PLPP1: variants seen among roughly 807,000 people sequenced by gnomAD.
PLPP1 encodes the protein phospholipid phosphatase 1.
PLPP1 carries 24 observed loss-of-function variants against 31.2 expected under a neutral mutation model. The observed-to-expected ratio is 0.77, with a 90% CI of 0.56 to 1.08. The LOEUF is 1.08. Ranked by LOEUF, PLPP1 falls within the 50% of genes least tolerant of loss-of-function variation. The probability of loss-of-function intolerance (pLI) is 0.00; values close to 1 mark genes in which losing one functional copy is unlikely to be tolerated. For synonymous variants in PLPP1, 146 were observed against 126.3 expected (o/e 1.16, Z -1.05); for missense variants, 319 against 342.7 (o/e 0.93, Z 0.55).
At chr5:55,524,670 C>T (rs1206451617) in intron 1 of PLPP1, among the ~76,000 whole-genome samples, 3 of 152,074 alleles carry the variant, frequency 2.0e-5, no homozygotes, top group East Asian at 3.9e-4. Context: ...ATTAGCCCGA[C>T]GTGGTGGTGG....
chr5:55,429,763 G>A (rs1346082338), intron 4 of PLPP1, among the ~76,000 whole-genome samples: 3 of 152,058 alleles, frequency 2.0e-5, no homozygotes, highest in African/African-American at 4.8e-5. Context: ...CAGGGCCAAA[G>A]TATACAAGCT....
intron 1 of PLPP1, among the ~76,000 whole-genome samples, chr5:55,525,546 G>A (rs1417896488): frequency 6.6e-6 from 1 of 152,136 alleles, no homozygotes; most frequent in East Asian, 1.9e-4. Flanking sequence ...ATGTTGCCCA[G>A]GCTGGTCTTG....
intron 4 of PLPP1, among the ~76,000 whole-genome samples, chr5:55,431,079 C>T (rs995052049): frequency 6.6e-6 from 1 of 152,056 alleles, no homozygotes; most frequent in Non-Finnish European, 1.5e-5. Context: ...ACCATAAAGT[C>T]ATCAAATATT....
At chr5:55,511,343 T>C (rs35047257) in intron 1 of PLPP1, among the ~76,000 whole-genome samples, 9,335 of 151,990 alleles carry the variant, frequency 0.061, 524 homozygotes, top group African/African-American at 0.13. Flanking sequence ...AACCTAAATA[T>C]CCAAAAATGG....
intron 1 of PLPP1, among the ~76,000 whole-genome samples, chr5:55,521,512 GTC>G (rs1753667355): frequency 6.6e-6 from 1 of 151,796 alleles, no homozygotes; most frequent in South Asian, 2.1e-4. Flanking sequence ...GCGAGACTCT[GTC>G]TCAAAAAAAA....
Position 55,534,681 on chromosome 5 carries a change from C to A in PLPP1, c.-52G>T. Reference sequence around the variant, plus strand: ...GGCGATGGACTGAGCTGCGGGACGGCGGCCGAGGCCCTTGATTCTCGAGCC... The same window carrying A: ...GGCGATGGACTGAGCTGCGGGACGGAGGCCGAGGCCCTTGATTCTCGAGCC... On this transcript the variant is annotated 5_prime_UTR_variant, in exon 1 of 6. Coordinates refer to ENST00000307259, the MANE Select transcript of PLPP1 (RefSeq NM_003711.4). 1 of 1,497,956 alleles carries A rather than the reference C, an allele frequency of 6.7e-7. No homozygotes were observed. Among genetic ancestry groups the A allele is most frequent in the Admixed American group, 2.1e-5 (1 of 47,028 alleles). The allele number at this position is 1,497,956 out of a possible 1,614,324, so 92.8% of individuals were successfully genotyped here. A position where few individuals can be genotyped will look rare whatever the true frequency, so the allele number is the denominator to read the frequency against.
At chr5:55,447,417 T>C (rs1449802285) in intron 3 of PLPP1, among the ~76,000 whole-genome samples, 1 of 152,238 alleles carries the variant, frequency 6.6e-6, no homozygotes, top group Non-Finnish European at 1.5e-5. Context: ...CTGAAATTGA[T>C]TCCCAAAGCA....
chr5:55,446,490 C>G (rs893613363), intron 3 of PLPP1, among the ~76,000 whole-genome samples: 2 of 152,292 alleles, frequency 1.3e-5, no homozygotes, highest in African/African-American at 4.8e-5. Context: ...CCTGGTAATT[C>G]TAATATCTGT....
intron 1 of PLPP1, among the ~76,000 whole-genome samples, chr5:55,499,380 A>G (rs1008632619): frequency 4.6e-5 from 7 of 152,268 alleles, no homozygotes; most frequent in Non-Finnish European, 8.8e-5. Context: ...ACAAGTTTAC[A>G]GTATACAATA....
At chr5:55,519,458 G>GA (rs1468544714) in intron 1 of PLPP1, among the ~76,000 whole-genome samples, 1 of 152,058 alleles carries the variant, frequency 6.6e-6, no homozygotes. Context: ...AAAATTTTAA[G>GA]AAAAAAGTGG....
chr5:55,512,723 TACACACACACAC>T (rs71600885), intron 1 of PLPP1, among the ~76,000 whole-genome samples: 1 of 43,132 alleles, frequency 2.3e-5, no homozygotes, highest in African/African-American at 4.8e-5. Flanking sequence ...CATTATAAAC[TACACACACACAC>T]ACACACACCC....
intron 4 of PLPP1, among the ~76,000 whole-genome samples, chr5:55,430,896 A>G (rs1751332998): frequency 6.6e-6 from 1 of 152,140 alleles, no homozygotes; most frequent in Admixed American, 6.6e-5. Flanking sequence ...CCAAAGACAT[A>G]GATATAAAAA....
intron 1 of PLPP1, among the ~76,000 whole-genome samples, chr5:55,504,879 T>C (rs1579971831): frequency 2.0e-5 from 3 of 150,828 alleles, no homozygotes; most frequent in South Asian, 2.1e-4. Context: ...GACACCAACA[T>C]GGCTCACCAC....
intron 1 of PLPP1, among the ~76,000 whole-genome samples, chr5:55,505,184 C>T (rs1471695952): frequency 3.3e-5 from 5 of 152,174 alleles, no homozygotes; most frequent in Admixed American, 6.6e-5. Context: ...CTCTTCTTAT[C>T]ATCCCCCTAT....
In PLPP1 at chr5:55,425,109, G is replaced by A; in HGVS notation, c.*97C>T. 6.9e-7 allele frequency: 1 copy of A among 1,459,236 alleles called. No homozygotes were observed. 90.4% of individuals were successfully genotyped at this position (1,459,236 alleles called of 1,614,324 possible). On this transcript the variant is annotated 3_prime_UTR_variant, in exon 6 of 6. Coordinates refer to ENST00000307259, the MANE Select transcript of PLPP1 (RefSeq NM_003711.4). ...CATAGCAGCAGCAGAAGTCTTTAAA[G>A]GCTTGTACACCAGGAAGAAAGATGC...
intron 1 of PLPP1, among the ~76,000 whole-genome samples, chr5:55,514,028 T>G (rs1401373322): frequency 6.6e-6 from 1 of 152,154 alleles, no homozygotes; most frequent in Non-Finnish European, 1.5e-5. Context: ...TACAATTAGT[T>G]ATCTCAGTGT....
At chr5:55,477,083 C>T (rs1421937776) in intron 1 of PLPP1, among the ~76,000 whole-genome samples, 1 of 151,290 alleles carries the variant, frequency 6.6e-6, no homozygotes, top group African/African-American at 2.4e-5. Flanking sequence ...CTAACTGACA[C>T]TTATACTGGC....
chr5:55,504,519 C>A (rs1579971460), intron 1 of PLPP1, among the ~76,000 whole-genome samples: 1 of 74,294 alleles, frequency 1.3e-5, no homozygotes. Flanking sequence ...AGCAAGACTC[C>A]ATCTCAAAAA....
At chr5:55,432,064 G>C (rs1308030892) in intron 4 of PLPP1, among the ~76,000 whole-genome samples, 1 of 151,672 alleles carries the variant, frequency 6.6e-6, no homozygotes, top group Non-Finnish European at 1.5e-5. Context: ...TGGGACTACA[G>C]AGCATGCCAG....
Sources: gnomAD v4.1 joint callset for allele counts (sites outside exome capture counted in the v4.1 genomes callset) on GRCh38, gnomAD v4.1.1 for gene constraint, MANE v1.5 for transcripts, NCBI Gene and HGNC (gene_info 2026-07-23, HGNC 2026-07-21) for gene names.